Variants in AGFG2 observed in about 807,000 individuals in gnomAD.
AGFG2 encodes arf-GAP domain and FG repeat-containing protein 2.
Under a neutral mutation model 48.0 loss-of-function variants are expected in AGFG2, and 31 were observed. That is an observed-to-expected ratio of 0.65 (90% CI 0.49 to 0.87). The LOEUF is 0.87. Among genes scored for constraint, AGFG2 ranks in the 40% least tolerant of loss-of-function variants. AGFG2 has a pLI of 0.00. For missense variants in AGFG2, 599 were observed against 632.6 expected (o/e 0.95, Z 0.57); for synonymous variants, 229 against 260.8 (o/e 0.88, Z 1.18).
intron 1 of AGFG2, among the ~76,000 whole-genome samples, chr7:100,542,913 T>A (rs536529544): frequency 2.0e-5 from 3 of 152,296 alleles, no homozygotes; most frequent in African/African-American, 7.2e-5. Context: ...ACAGTAGTGA[T>A]AAGTTCCCAT....
chr7:100,563,071 C>A, intron 9 of AGFG2, 125 bp downstream of exon 9: 1 of 1,001,684 alleles, frequency 1.0e-6, no homozygotes, highest in Non-Finnish European at 1.5e-6. Flanking sequence ...TGGTTCTTCC[C>A]CTGCCCACAC....
At chr7:100,556,214 C>A (rs1800756259) in intron 6 of AGFG2, 1 of 196,848 alleles carries the variant, frequency 5.1e-6, no homozygotes, top group South Asian at 8.7e-5. Flanking sequence ...CTTTGGGAGG[C>A]CGAGGTGGGA....
At chr7:100,541,698 G>A (rs959829005) in intron 1 of AGFG2, among the ~76,000 whole-genome samples, 1 of 151,130 alleles carries the variant, frequency 6.6e-6, no homozygotes, top group Non-Finnish European at 1.5e-5. Flanking sequence ...AAGAGGTGGA[G>A]GTTGCAATGA....
intron 9 of AGFG2, among the ~76,000 whole-genome samples, chr7:100,563,292 C>T (rs532884444): frequency 7.9e-5 from 12 of 152,330 alleles, no homozygotes; most frequent in Non-Finnish European, 1.3e-4. Context: ...CTGAAACACT[C>T]ACGCTGTTCC....
At chr7:100,548,532 C>T (rs1453872108) in intron 1 of AGFG2, among the ~76,000 whole-genome samples, 2 of 152,038 alleles carry the variant, frequency 1.3e-5, no homozygotes, top group African/African-American at 2.4e-5. Context: ...AGGCTGGTCT[C>T]GAACTCCTGG....
Position 100,562,607 on chromosome 7 carries a change from G to A in AGFG2, c.1012G>A (p.Ala338Thr), listed in dbSNP as rs1223226940. The change falls in exon 8 of 12, where the codon GCT (alanine) becomes ACT (threonine). Residue 338 changes from alanine (A) to threonine (T), a missense_variant. By Grantham distance (58) the Ala-to-Thr change is moderately conservative. Coordinates refer to ENST00000300176, the MANE Select transcript of AGFG2 (RefSeq NM_006076.5). The surrounding 1 kb of genome is among the most constrained non-coding windows in gnomAD (Gnocchi z 5.4). ...AGVPSSLFGM[A>T]GQVPPLQSVT... ...CCCGTGTTGTAGCCTCTTCGGGATGGCTGGCCAGGTCCCCCCGCTCCAGTC... is the reference window on the plus strand; with the variant it reads ...CCCGTGTTGTAGCCTCTTCGGGATGACTGGCCAGGTCCCCCCGCTCCAGTC... The A allele has an allele frequency of 6.2e-7, 1 of 1,612,938 alleles. No individual in the cohort carries two copies. Among genetic ancestry groups the A allele is most frequent in the East Asian group, 2.2e-5 (1 of 44,870 alleles).
At chr7:100,560,660 G>C (rs368402729) in intron 6 of AGFG2, among the ~76,000 whole-genome samples, 223 of 152,276 alleles carry the variant, frequency 1.5e-3, no homozygotes, top group African/African-American at 5.1e-3. Flanking sequence ...TACAAGTGCC[G>C]ACACTCAGTG....
At chr7:100,543,731 A>T (rs1024490857) in intron 1 of AGFG2, among the ~76,000 whole-genome samples, 2 of 152,134 alleles carry the variant, frequency 1.3e-5, no homozygotes, top group Non-Finnish European at 2.9e-5. Flanking sequence ...TTTTAATGAG[A>T]AATATTTTCT....
chr7:100,560,961 G>A (rs1284439448), intron 6 of AGFG2, among the ~76,000 whole-genome samples: 24 of 151,020 alleles, frequency 1.6e-4, no homozygotes, highest in African/African-American at 5.4e-4. Context: ...ACAGGCACCC[G>A]CCACCATGCC....
intron 6 of AGFG2, among the ~76,000 whole-genome samples, chr7:100,560,177 T>A (rs1321637883): frequency 6.7e-6 from 1 of 149,094 alleles, no homozygotes; most frequent in Non-Finnish European, 1.5e-5. Flanking sequence ...AACACCATGC[T>A]GCTGGCTTTT....
In AGFG2 at chr7:100,539,246, T is replaced by G. The variant is rs2131097226; in HGVS notation, c.-101T>G. On this transcript the variant is annotated 5_prime_UTR_variant, in exon 1 of 12. Transcript: ENST00000300176. The stretch of plus-strand genomic sequence containing the variant: ...CTGCGGATGCCGCCCGCTCCCGAGC[T>G]TCTGTCAGGGGAGCCGGGCGTGCGG... The G allele has an allele frequency of 8.5e-7, 1 of 1,181,884 alleles. No individual in the cohort carries two copies. Among genetic ancestry groups the G allele is most frequent in the Non-Finnish European group, 1.1e-6 (1 of 930,384 alleles). 73.2% of individuals were successfully genotyped at this position (1,181,884 alleles called of 1,614,324 possible). A position where few individuals can be genotyped will look rare whatever the true frequency, so the allele number is the denominator to read the frequency against.
rs1400723803 is a variant in AGFG2 at position 100,548,835 on chromosome 7, C to A, written c.235C>A (p.Pro79Thr). The change falls in exon 2 of 12, where the codon CCC (proline) becomes ACC (threonine). Residue 79 changes from proline to threonine, a missense_variant. Pro to Thr is a conservative substitution (Grantham distance 38, BLOSUM62 -1). Coordinates refer to ENST00000300176, the MANE Select transcript of AGFG2 (RefSeq NM_006076.5). ...TCSGLLRGLN[P>T]PHRVKSISMT... ...TCTCTCCCATAGGAGAGGGCTGAACCCCCCTCATCGTGTCAAGTCAATCTC... is the reference window on the plus strand; with the variant it reads ...TCTCTCCCATAGGAGAGGGCTGAACACCCCTCATCGTGTCAAGTCAATCTC... 1.2e-6 allele frequency: 2 copies of A among 1,612,906 alleles called. No homozygotes were observed. Among genetic ancestry groups the A allele is most frequent in the African/African-American group, 2.7e-5 (2 of 74,830 alleles).
At position 100,562,812 on chromosome 7, in the gene AGFG2, A is replaced by C; in HGVS notation, c.1088-51A>C. 1 of 1,607,900 alleles carries C rather than the reference A, an allele frequency of 6.2e-7. No individual in the cohort carries two copies. Among genetic ancestry groups the C allele is most frequent in the Non-Finnish European group, 8.5e-7 (1 of 1,174,728 alleles). On this transcript the variant is annotated intron_variant, in intron 8 of 11. Transcript: ENST00000300176. The surrounding 1 kb of genome is among the most constrained non-coding windows in gnomAD (Gnocchi z 5.4). ...CATCACAGGATGAAGCACGTGAGAAAAAAAGTAACCATCTCTCTCTTTCCT... is the reference window on the plus strand; with the variant it reads ...CATCACAGGATGAAGCACGTGAGAACAAAAGTAACCATCTCTCTCTTTCCT...
chr7:100,559,717 C>T (rs1428250556), intron 6 of AGFG2, among the ~76,000 whole-genome samples: 1 of 151,096 alleles, frequency 6.6e-6, no homozygotes, highest in African/African-American at 2.4e-5. Context: ...ACTCAGGAGG[C>T]TAAGGTGGGA....
At position 100,567,404 on chromosome 7, in the gene AGFG2, A is replaced by G. The variant is rs534232938; in HGVS notation, c.*2413A>G. The G allele has an allele frequency of 2.0e-5, 3 of 152,952 alleles. No individual in the cohort carries two copies. Among genetic ancestry groups the G allele is most frequent in the African/African-American group, 7.2e-5 (3 of 41,588 alleles). 9.5% of individuals were successfully genotyped at this position (152,952 alleles called of 1,614,324 possible). A position where few individuals can be genotyped will look rare whatever the true frequency, so the allele number is the denominator to read the frequency against. Reference sequence around the variant, plus strand: ...GAGTGACTCACCTGGGCTCACACCAACTTCTGGCCAATGCAGGGACCATGC... The same window carrying G: ...GAGTGACTCACCTGGGCTCACACCAGCTTCTGGCCAATGCAGGGACCATGC... On this transcript the variant is annotated 3_prime_UTR_variant, in exon 12 of 12. Coordinates refer to ENST00000300176, the MANE Select transcript of AGFG2 (RefSeq NM_006076.5).
In AGFG2 at chr7:100,562,127, C is replaced by A; in HGVS notation, c.878-132C>A. ...GGTGGTCCCTGAGAAAATGGGCTGC[C>A]TCAGAGAACCCAGCAGGCACCTGTC... is the stretch of plus-strand genomic sequence containing the variant. On this transcript the variant is annotated intron_variant, in intron 6 of 11. Coordinates refer to ENST00000300176, the MANE Select transcript of AGFG2 (RefSeq NM_006076.5). This position sits in a 1 kb window ranked among gnomAD's most constrained non-coding sequence, Gnocchi z 5.4. 1 of 1,294,250 alleles carries A rather than the reference C, an allele frequency of 7.7e-7. No homozygotes were observed. The allele number at this position is 1,294,250 out of a possible 1,614,324, so 80.2% of individuals were successfully genotyped here.
chr7:100,540,119 TA>T (rs375004765), intron 1 of AGFG2, among the ~76,000 whole-genome samples: 9,967 of 125,798 alleles, frequency 0.079, 302 homozygotes, highest in Middle Eastern at 0.1. Context: ...AGTACAGGAT[TA>T]AAAAAAAAAA....
At chr7:100,552,128 C>A (rs1406592266) in intron 3 of AGFG2, among the ~76,000 whole-genome samples, 1 of 151,618 alleles carries the variant, frequency 6.6e-6, no homozygotes, top group Non-Finnish European at 1.5e-5. Context: ...CACCTGTAAT[C>A]CGAGCTACTC....
intron 1 of AGFG2, among the ~76,000 whole-genome samples, chr7:100,542,139 C>T (rs1415007951): frequency 6.6e-6 from 1 of 151,886 alleles, no homozygotes; most frequent in African/African-American, 2.4e-5. Context: ...CCTCAGCCTC[C>T]TGAGTAGCTG....
Sources: allele counts gnomAD v4.1 joint callset (sites outside exome capture counted in the v4.1 genomes callset), GRCh38; gene constraint gnomAD v4.1.1; non-coding constraint Gnocchi (gnomAD v3.1); transcripts MANE v1.5; gene names NCBI Gene and HGNC (gene_info 2026-07-23, HGNC 2026-07-21).